DCAF1: variants seen among roughly 807,000 people sequenced by gnomAD.
DCAF1 encodes DDB1- and CUL4-associated factor 1.
DCAF1 carries 15 observed loss-of-function variants against 128.0 expected under a neutral mutation model. That is an observed-to-expected ratio of 0.12 (90% confidence interval 0.08 to 0.18). The LOEUF (loss-of-function observed/expected upper bound fraction) is 0.18, where lower values mean the gene tolerates loss of function less well. DCAF1 is among the 10% of genes least tolerant of loss of function. DCAF1 has a pLI of 1.00. For missense variants in DCAF1, 988 were observed against 1,649.5 expected, an observed-to-expected ratio of 0.60 and a Z score of 6.95; for synonymous variants, 610 against 603.0, an observed-to-expected ratio of 1.01 and a Z score of -0.17.
At chr3:51,443,736 T>C (rs782379227) in intron 7 of DCAF1, 30 bp downstream of exon 7, 9 of 1,565,550 alleles carry the variant, frequency 5.7e-6, no homozygotes, top group East Asian at 2.3e-5. Flanking sequence ...TCCCATTTTA[T>C]ATAAAAATTT....
intron 2 of DCAF1, among the ~76,000 whole-genome samples, chr3:51,491,208 C>T (rs1707600348): frequency 6.6e-6 from 1 of 151,770 alleles, no homozygotes; most frequent in Admixed American, 6.6e-5. Flanking sequence ...ATTAGCTGGG[C>T]GTGTTGGCAC....
intron 23 of DCAF1, among the ~76,000 whole-genome samples, chr3:51,407,105 T>C (rs1156562924): frequency 1.4e-5 from 2 of 143,698 alleles, no homozygotes; most frequent in Non-Finnish European, 3.0e-5. Flanking sequence ...GACAGAAGAA[T>C]TGCTTGAACC....
chr3:51,431,908 C>T (rs1452660860), intron 10 of DCAF1, among the ~76,000 whole-genome samples: 1 of 151,674 alleles, frequency 6.6e-6, no homozygotes, highest in Non-Finnish European at 1.5e-5. Flanking sequence ...GAGGTCAAGG[C>T]TACAGTGGGC....
intron 6 of DCAF1, among the ~76,000 whole-genome samples, chr3:51,449,658 T>C (rs578232609): frequency 6.6e-6 from 1 of 151,354 alleles, no homozygotes; most frequent in African/African-American, 2.4e-5. Flanking sequence ...AAGATTATAG[T>C]GGGGAAAAAT....
At chr3:51,407,135 C>A (rs1284190499) in intron 23 of DCAF1, among the ~76,000 whole-genome samples, 1 of 116,546 alleles carries the variant, frequency 8.6e-6, no homozygotes, top group African/African-American at 3.4e-5. Context: ...GAAGCCTGGG[C>A]GAGACAGAGT....
At chr3:51,504,441 G>T (rs1708894743), upstream of DCAF1, among the ~76,000 whole-genome samples, 1 of 151,730 alleles carries the variant, frequency 6.6e-6, no homozygotes, top group African/African-American at 2.4e-5. Context: ...TCTGCATCCT[G>T]GGTTCAAGTA....
intron 6 of DCAF1, among the ~76,000 whole-genome samples, chr3:51,448,161 C>A (rs1374611010): frequency 6.6e-6 from 1 of 152,114 alleles, no homozygotes; most frequent in Non-Finnish European, 1.5e-5. Flanking sequence ...TCTTAAAATT[C>A]TACTGTCATC....
At chr3:51,452,708 C>CATCA (rs1702476053) in intron 6 of DCAF1, among the ~76,000 whole-genome samples, 1 of 152,084 alleles carries the variant, frequency 6.6e-6, no homozygotes, top group African/African-American at 2.4e-5. Flanking sequence ...TTTCAAAAAG[C>CATCA]CCCGTTAAAT....
At chr3:51,412,862 G>C in intron 22 of DCAF1, 131 bp downstream of exon 22, 1 of 1,374,210 alleles carries the variant, frequency 7.3e-7, no homozygotes, top group Non-Finnish European at 9.8e-7. Flanking sequence ...CAAATGAATA[G>C]GTTATCAATA....
At chr3:51,469,884 G>A (rs1704548363) in intron 4 of DCAF1, among the ~76,000 whole-genome samples, 1 of 152,196 alleles carries the variant, frequency 6.6e-6, no homozygotes, top group South Asian at 2.1e-4. Flanking sequence ...AGCCGACTGT[G>A]GTGGTGCATG....
At chr3:51,440,052 C>A in intron 9 of DCAF1, 1 of 388,394 alleles carries the variant, frequency 2.6e-6, no homozygotes, top group Non-Finnish European at 5.0e-6. Flanking sequence ...AAAAGTAGGG[C>A]ATAAGCAAGC....
intron 4 of DCAF1, among the ~76,000 whole-genome samples, chr3:51,468,495 C>G (rs1478931111): frequency 6.6e-6 from 1 of 152,084 alleles, no homozygotes; most frequent in African/African-American, 2.4e-5. Context: ...AAACAGAAAC[C>G]TCTATTTTAT....
At chr3:51,474,141 C>G (rs973943090) in intron 3 of DCAF1, among the ~76,000 whole-genome samples, 1 of 151,876 alleles carries the variant, frequency 6.6e-6, no homozygotes, top group African/African-American at 2.4e-5. Flanking sequence ...CTCTCCTGGC[C>G]GGCGCCGTGG....
At chr3:51,403,072 T>C in intron 24 of DCAF1, 71 bp downstream of exon 24, 2 of 1,522,904 alleles carry the variant, frequency 1.3e-6, no homozygotes, top group Admixed American at 2.1e-5. Context: ...GCCCTCTAAG[T>C]TGTATGGGCA....
Position 51,436,321 on chromosome 3 carries a change from A to C in DCAF1, c.1129-3057T>G, listed in dbSNP as rs1252979262. The C allele has an allele frequency of 7.8e-6, 4 of 512,898 alleles. No homozygotes were observed. The East Asian group carries it at 2.2e-4, about 28-fold the overall frequency. 31.8% of individuals were successfully genotyped at this position (512,898 alleles called of 1,614,324 possible). A position where few individuals can be genotyped will look rare whatever the true frequency, so the allele number is the denominator to read the frequency against. On this transcript the variant is annotated intron_variant, in intron 9 of 24. Coordinates refer to ENST00000684031, the MANE Select transcript of DCAF1 (RefSeq NM_001387579.1). ...TTCTAGGCTTGAAAGAGAACTAACA[A>C]ACACTGGGCTTAAGAGAGTTCAGAA...
intron 6 of DCAF1, among the ~76,000 whole-genome samples, chr3:51,462,673 G>C (rs1443586784): frequency 6.7e-6 from 1 of 149,734 alleles, no homozygotes; most frequent in Non-Finnish European, 1.5e-5. Flanking sequence ...TTAAGCCCGG[G>C]AGGCAGAGGT....
chr3:51,484,001 G>C (rs754902500), intron 2 of DCAF1, among the ~76,000 whole-genome samples, 165 bp from the exon 3 acceptor site: 4 of 152,068 alleles, frequency 2.6e-5, no homozygotes, highest in African/African-American at 4.8e-5. Context: ...CAGAAAACTC[G>C]GGATACTCAT....
At chr3:51,450,767 C>T (rs1702263222) in intron 6 of DCAF1, among the ~76,000 whole-genome samples, 1 of 152,114 alleles carries the variant, frequency 6.6e-6, no homozygotes, top group Non-Finnish European at 1.5e-5. Context: ...CAGGCGTGAG[C>T]CACCACGCCT....
rs538581220 is a variant in DCAF1 at position 51,479,715 on chromosome 3, G to C, written c.110+4004C>G. Among the ~76,000 whole-genome samples, 433 of 152,086 alleles carry C rather than the reference G, an allele frequency of 2.8e-3. 3 individuals are homozygous for C. Among genetic ancestry groups the C allele is most frequent in the African/African-American group, 9.9e-3 (411 of 41,464 alleles). On this transcript the variant is annotated intron_variant, in intron 3 of 24. Transcript: ENST00000684031. Reference sequence around the variant, plus strand: ...GGAAGCTGAGGCAGGAGAATGGTGTGAATCTGGGAGGCAGAGCTTGCAGTA... The same window carrying C: ...GGAAGCTGAGGCAGGAGAATGGTGTCAATCTGGGAGGCAGAGCTTGCAGTA...
Sources: allele counts gnomAD v4.1 joint callset (sites outside exome capture counted in the v4.1 genomes callset), GRCh38; gene constraint gnomAD v4.1.1; transcripts MANE v1.5; gene names NCBI Gene and HGNC (gene_info 2026-07-23, HGNC 2026-07-21).